ESR1: variants seen among roughly 807,000 people sequenced by gnomAD.
The protein encoded by ESR1 is estrogen receptor 1, also known as estrogen receptor.
Under a neutral mutation model 52.7 loss-of-function variants are expected in ESR1, and 12 were observed. The observed-to-expected ratio is 0.23, with a 90% confidence interval of 0.15 to 0.37. ESR1 has a LOEUF of 0.37. Among genes scored for constraint, ESR1 ranks in the 10% least tolerant of loss-of-function variants. The probability of loss-of-function intolerance (pLI) is 1.00; values close to 1 mark genes in which losing one functional copy is unlikely to be tolerated. For synonymous variants in ESR1, 305 were observed against 316.8 expected (o/e 0.96, Z 0.39); for missense variants, 584 against 779.7 (o/e 0.75, Z 2.99).
intron 2 of ESR1, among the ~76,000 whole-genome samples, chr6:151,866,266 T>G (rs915194813): frequency 3.3e-5 from 5 of 152,240 alleles, no homozygotes; most frequent in Non-Finnish European, 7.3e-5. Context: ...AAAGGTTTTA[T>G]TCATTCATTT....
At chr6:151,719,311 C>G (rs138476409) in intron 2 of ESR1, among the ~76,000 whole-genome samples, 8 of 152,066 alleles carry the variant, frequency 5.3e-5, no homozygotes, top group African/African-American at 1.7e-4. Context: ...GAGCAAAGGT[C>G]GAGCCAGGTA....
chr6:151,910,802 G>T (rs1476985880), intron 3 of ESR1, among the ~76,000 whole-genome samples: 1 of 152,036 alleles, frequency 6.6e-6, no homozygotes, highest in African/African-American at 2.4e-5. Flanking sequence ...GTATGCCTTC[G>T]ATGTACATAA....
chr6:151,808,230 C>A lies in ESR1; in HGVS notation c.318C>A (p.Ser106Arg), dbSNP rs1162673453. ...GFPPLNSVSP[S>R]PLMLLHPPPQ... is the part of the protein sequence containing the mutation. ...CCCCACTCAACAGCGTGTCTCCGAGCCCGCTGATGCTACTGCACCCGCCGC... is the reference window on the plus strand; with the variant it reads ...CCCCACTCAACAGCGTGTCTCCGAGACCGCTGATGCTACTGCACCCGCCGC... Residue 106 changes from serine (S) to arginine (R), a missense_variant, in exon 1 of 8, where the codon AGC (serine) becomes AGA (arginine). Coordinates refer to ENST00000206249, the MANE Select transcript of ESR1 (RefSeq NM_000125.4). The A allele has an allele frequency of 6.4e-7, 1 of 1,571,580 alleles. No homozygotes were observed. The highest frequency in any genetic ancestry group is 1.2e-5 in the South Asian group (1 of 86,072).
At chr6:151,754,731 A>G (rs1042601673) in intron 2 of ESR1, among the ~76,000 whole-genome samples, 35 of 151,918 alleles carry the variant, frequency 2.3e-4, no homozygotes, top group African/African-American at 7.7e-4. Flanking sequence ...TTTTTCCACA[A>G]TCTCTCAAAA....
At chr6:151,995,571 A>G (rs1235568398) in intron 4 of ESR1, among the ~76,000 whole-genome samples, 4 of 152,228 alleles carry the variant, frequency 2.6e-5, no homozygotes, top group African/African-American at 4.8e-5. Context: ...TAAGTTCAAC[A>G]TTGAAATTCT....
intron 4 of ESR1, among the ~76,000 whole-genome samples, chr6:151,952,353 C>T (rs2036420311): frequency 6.6e-6 from 1 of 152,174 alleles, no homozygotes; most frequent in African/African-American, 2.4e-5. Context: ...TTGATTTCTA[C>T]TTTCCAATAT....
At chr6:152,079,124 G>A (rs9479203) in intron 6 of ESR1, among the ~76,000 whole-genome samples, 32,076 of 152,100 alleles carry the variant, frequency 0.21, 4,778 homozygotes, top group African/African-American at 0.41. Flanking sequence ...CTCTGAAGAG[G>A]GCAGTGGTTC....
intron 2 of ESR1, among the ~76,000 whole-genome samples, chr6:151,771,194 G>A (rs1785481992): frequency 6.6e-6 from 1 of 152,128 alleles, no homozygotes; most frequent in Admixed American, 6.5e-5. Flanking sequence ...TCTTTGTCCC[G>A]TTCTCTAGCC....
intron 4 of ESR1, among the ~76,000 whole-genome samples, chr6:151,967,551 A>G (rs1463346123): frequency 7.9e-5 from 12 of 152,164 alleles, no homozygotes; most frequent in Non-Finnish European, 1.8e-4. Flanking sequence ...TCCATTGTGT[A>G]TATGTGCCAC....
At chr6:151,969,987 G>A (rs1325477865) in intron 4 of ESR1, among the ~76,000 whole-genome samples, 1 of 151,472 alleles carries the variant, frequency 6.6e-6, no homozygotes, top group Non-Finnish European at 1.5e-5. Flanking sequence ...TGATATTGCC[G>A]CTGTTCATTC....
chr6:151,674,193 C>T (rs1674973403), intron 1 of ESR1, among the ~76,000 whole-genome samples: 1 of 152,080 alleles, frequency 6.6e-6, no homozygotes, highest in Non-Finnish European at 1.5e-5. Flanking sequence ...TCCCCCACCA[C>T]CCAACAGGCC....
intron 1 of ESR1, among the ~76,000 whole-genome samples, chr6:151,816,768 G>A (rs539005769): frequency 3.9e-5 from 6 of 152,104 alleles, no homozygotes; most frequent in Admixed American, 6.5e-5. Context: ...ATTTGGCTGC[G>A]TGCAGCTGCT....
chr6:151,922,417 A>G (rs966202353), intron 3 of ESR1, among the ~76,000 whole-genome samples: 9 of 152,164 alleles, frequency 5.9e-5, no homozygotes, highest in South Asian at 4.1e-4. Context: ...GGAAGTGTCT[A>G]TTCTCCTCCA....
intron 1 of ESR1, among the ~76,000 whole-genome samples, chr6:151,666,702 T>TCCC (rs1373797634): frequency 1.2e-5 from 1 of 85,900 alleles, no homozygotes; most frequent in Non-Finnish European, 2.1e-5. Context: ...ATCCCCCTCC[T>TCCC]CCTCCTCCTC....
intron 5 of ESR1, among the ~76,000 whole-genome samples, chr6:152,054,510 C>T (rs1025041238): frequency 6.6e-6 from 1 of 152,076 alleles, no homozygotes; most frequent in Non-Finnish European, 1.5e-5. Flanking sequence ...CTCTCTCCCC[C>T]AATCTCCTTT....
intron 2 of ESR1, among the ~76,000 whole-genome samples, chr6:151,783,783 T>C (rs1179264691): frequency 6.6e-6 from 1 of 152,178 alleles, no homozygotes. Flanking sequence ...CTACCCAATG[T>C]CCGTTTTCTA....
intron 6 of ESR1, among the ~76,000 whole-genome samples, chr6:152,071,212 A>C (rs1198698169): frequency 7.1e-6 from 1 of 141,042 alleles, no homozygotes; most frequent in African/African-American, 2.9e-5. Flanking sequence ...TCTGATGGTA[A>C]AGACAGATAT....
intron 4 of ESR1, among the ~76,000 whole-genome samples, chr6:151,985,099 CA>C (rs2040334394): frequency 6.6e-6 from 1 of 152,098 alleles, no homozygotes; most frequent in Non-Finnish European, 1.5e-5. Flanking sequence ...TGAAACGTGT[CA>C]CTCAGCATAA....
intron 3 of ESR1, among the ~76,000 whole-genome samples, chr6:151,899,746 C>T (rs1228404794): frequency 6.6e-6 from 1 of 151,252 alleles, no homozygotes; most frequent in Non-Finnish European, 1.5e-5. Flanking sequence ...AGACGCTCCT[C>T]ACATCCCAGA....
Sources: gnomAD v4.1 joint callset for allele counts (sites outside exome capture counted in the v4.1 genomes callset) on GRCh38, gnomAD v4.1.1 for gene constraint, MANE v1.5 for transcripts, NCBI Gene and HGNC (gene_info 2026-07-23, HGNC 2026-07-21) for gene names.